Variants in USP32 observed in about 807,000 individuals in gnomAD.
The protein encoded by USP32 is ubiquitin carboxyl-terminal hydrolase 32.
In USP32, 59 loss-of-function variants were observed where a neutral mutation model predicts 204.8. That is an observed-to-expected ratio of 0.29 (90% CI 0.23 to 0.36). The LOEUF is 0.36. Ranked by LOEUF, USP32 falls within the 10% of genes least tolerant of loss-of-function variation. The pLI is 1.00. For missense variants in USP32, 1,160 were observed against 1,946.4 expected (o/e 0.60, Z 7.60); for synonymous variants, 517 against 678.4 (o/e 0.76, Z 3.70).
chr17:60,236,053 TAGTCATAGCATTTTATTATTGGCTGGA>T (rs1402198494), intron 12 of USP32, 58 bp downstream of exon 12: 44 of 1,034,844 alleles, frequency 4.3e-5, no homozygotes, highest in Non-Finnish European at 6.3e-5. Context: ...TATTGGCTGG[TAGTCATAGCATTTTATTATTGGCTGGA>T]AGTCTCACGC....
chr17:60,280,974 G>T (rs954000200), intron 5 of USP32, among the ~76,000 whole-genome samples: 2 of 152,204 alleles, frequency 1.3e-5, no homozygotes, highest in African/African-American at 4.8e-5. Flanking sequence ...GTAGCTGCTT[G>T]CCAGAAGCCA....
intron 1 of USP32, among the ~76,000 whole-genome samples, chr17:60,414,850 TC>T: frequency 6.7e-6 from 1 of 150,256 alleles, no homozygotes; most frequent in Middle Eastern, 3.5e-3. Context: ...TTCTTTTCTT[TC>T]TTTCTTTTTT....
intron 5 of USP32, among the ~76,000 whole-genome samples, chr17:60,277,571 A>G (rs536986968): frequency 8.5e-5 from 13 of 152,380 alleles, no homozygotes; most frequent in African/African-American, 3.1e-4. Flanking sequence ...AAATGTGGTA[A>G]GGGACCATAA....
At chr17:60,350,214 C>T (rs145592518) in intron 1 of USP32, among the ~76,000 whole-genome samples, 125 of 152,152 alleles carry the variant, frequency 8.2e-4, no homozygotes, top group African/African-American at 2.8e-3. Context: ...GGGGTTTTGC[C>T]ATGTTGCCCA....
chr17:60,342,422 C>G (rs1448288195), intron 2 of USP32, among the ~76,000 whole-genome samples: 1 of 152,234 alleles, frequency 6.6e-6, no homozygotes. Context: ...GTTCTCAGAG[C>G]TCAAATGCCA....
intron 27 of USP32, among the ~76,000 whole-genome samples, chr17:60,195,342 A>ACT (rs929596464): frequency 6.6e-6 from 1 of 151,590 alleles, no homozygotes; most frequent in African/African-American, 2.4e-5. Flanking sequence ...TCTCAATCTT[A>ACT]CTCTCTCTCT....
At chr17:60,343,481 C>G (rs2088709302) in intron 2 of USP32, among the ~76,000 whole-genome samples, 1 of 152,154 alleles carries the variant, frequency 6.6e-6, no homozygotes, top group Non-Finnish European at 1.5e-5. Flanking sequence ...CAAATTAGAA[C>G]TCAGGATTAA....
At chr17:60,349,666 C>CACAT (rs376874537) in intron 1 of USP32, among the ~76,000 whole-genome samples, 9 of 109,040 alleles carry the variant, frequency 8.3e-5, no homozygotes, top group African/African-American at 2.5e-4. Context: ...TATATATACA[C>CACAT]ATATATATAT....
intron 30 of USP32, among the ~76,000 whole-genome samples, chr17:60,183,910 A>G (rs1047513042): frequency 2.0e-5 from 3 of 152,214 alleles, no homozygotes; most frequent in Non-Finnish European, 4.4e-5. Flanking sequence ...ATGAAAATAT[A>G]TACTTGTCAA....
intron 1 of USP32, among the ~76,000 whole-genome samples, chr17:60,376,269 A>G (rs1039631394): frequency 6.6e-6 from 1 of 151,618 alleles, no homozygotes. Context: ...ATAATTGCAC[A>G]ATATATATTT....
chr17:60,302,654 A>C (rs2087614584), intron 2 of USP32, among the ~76,000 whole-genome samples: 1 of 152,256 alleles, frequency 6.6e-6, no homozygotes, highest in Non-Finnish European at 1.5e-5. Context: ...GTCCAAGAGT[A>C]CAAAGGTCCT....
At chr17:60,336,971 T>C (rs2088537239) in intron 2 of USP32, among the ~76,000 whole-genome samples, 1 of 152,164 alleles carries the variant, frequency 6.6e-6, no homozygotes, top group Admixed American at 6.6e-5. Flanking sequence ...AAGTTAATCA[T>C]TTTACTATTA....
chr17:60,410,950 G>A (rs1055011749), intron 1 of USP32, among the ~76,000 whole-genome samples: 1 of 151,406 alleles, frequency 6.6e-6, no homozygotes, highest in Non-Finnish European at 1.5e-5. Flanking sequence ...ATGGTGGCAC[G>A]TGCCTGTAGT....
intron 1 of USP32, among the ~76,000 whole-genome samples, chr17:60,386,016 A>G (rs2089724912): frequency 1.3e-5 from 2 of 151,958 alleles, no homozygotes; most frequent in African/African-American, 4.8e-5. Context: ...CTATTGCTGC[A>G]TAACACACAC....
intron 1 of USP32, among the ~76,000 whole-genome samples, chr17:60,351,228 G>T (rs555139137): frequency 6.6e-6 from 1 of 152,046 alleles, no homozygotes; most frequent in South Asian, 2.1e-4. Flanking sequence ...AGGCAATCAG[G>T]CACCAATCTA....
rs367660945 is a variant in USP32, at chr17:60,185,617, C to A, written c.3677G>T (p.Arg1226Leu). Residue 1226 changes from arginine (R) to leucine (L), a missense_variant, in exon 30 of 34, where the codon CGG (arginine) becomes CTG (leucine). By Grantham distance (102) the Arg-to-Leu change is moderately radical. This residue lies in a region of USP32 where 160 missense variants were observed against 322.5 expected (regional missense o/e 0.50). Coordinates refer to ENST00000300896, the MANE Select transcript of USP32 (RefSeq NM_032582.4). Reference protein sequence around the residue: ...VDEHESVEQSRRAQAEPINLD... With the variant: ...VDEHESVEQSLRAQAEPINLD... ...GTTGATGGGCTCGGCTTGCGCTCGC[C>A]GACTCTGCTCCACACTCTCATGCTC... The A allele has an allele frequency of 6.2e-7, 1 of 1,611,880 alleles. No individual in the cohort carries two copies. Among genetic ancestry groups the A allele is most frequent in the South Asian group, 1.1e-5 (1 of 90,972 alleles).
intron 5 of USP32, among the ~76,000 whole-genome samples, chr17:60,276,826 G>A (rs968199551): frequency 3.9e-5 from 6 of 152,142 alleles, no homozygotes; most frequent in African/African-American, 1.4e-4. Flanking sequence ...ATGGTCACCA[G>A]TGAAAAACAT....
intron 11 of USP32, among the ~76,000 whole-genome samples, chr17:60,242,421 T>C (rs1294406609): frequency 6.6e-6 from 1 of 152,166 alleles, no homozygotes; most frequent in African/African-American, 2.4e-5. Context: ...GTTTCCTTTT[T>C]TTCTTTTTTC....
intron 9 of USP32, among the ~76,000 whole-genome samples, chr17:60,258,784 T>C (rs2086381090): frequency 6.6e-6 from 1 of 152,212 alleles, no homozygotes. Flanking sequence ...TAAATTGCCA[T>C]AATATGAGGC....
Sources: gnomAD v4.1 joint callset for allele counts (sites outside exome capture counted in the v4.1 genomes callset) on GRCh38, gnomAD v4.1.1 for gene constraint, gnomAD v4.1.1 regional missense constraint, MANE v1.5 for transcripts, NCBI Gene and HGNC (gene_info 2026-07-23, HGNC 2026-07-21) for gene names.